The following LMO7 variants were observed in gnomAD, a reference collection of about 807,000 sequenced individuals.
LMO7 encodes the protein LIM domain 7.
In LMO7, 120 loss-of-function variants were observed where a neutral mutation model predicts 206.5. The ratio of observed to expected loss-of-function variants is 0.58; its 90% CI spans 0.50 to 0.68. The LOEUF (loss-of-function observed/expected upper bound fraction) is 0.68, where lower values mean the gene tolerates loss of function less well. LMO7 is among the 30% of genes least tolerant of loss of function. LMO7 has a pLI of 0.00. For synonymous variants in LMO7, 706 were observed against 681.5 expected (o/e 1.04, Z -0.56); for missense variants, 1,959 against 1,957.9 (o/e 1.00, Z -0.01).
chr13:75,621,993 T>A, intron 1 of LMO7: 1 of 522,414 alleles, frequency 1.9e-6, no homozygotes, highest in Non-Finnish European at 3.2e-6. Flanking sequence ...AGGCAAGAAG[T>A]AAATACTGCA....
At chr13:75,844,333 T>C (rs1457443124) in intron 25 of LMO7, among the ~76,000 whole-genome samples, 2 of 151,184 alleles carry the variant, frequency 1.3e-5, no homozygotes, top group African/African-American at 2.4e-5. Context: ...TACATATATG[T>C]ACATAAGTAT....
At chr13:75,639,914 A>T (rs901513820) in intron 1 of LMO7, among the ~76,000 whole-genome samples, 4 of 152,088 alleles carry the variant, frequency 2.6e-5, no homozygotes, top group African/African-American at 9.7e-5. Flanking sequence ...CCTGTAAGGG[A>T]TGCCAACCTG....
intron 15 of LMO7, among the ~76,000 whole-genome samples, chr13:75,827,436 A>G (rs181319339): frequency 6.6e-6 from 1 of 152,350 alleles, no homozygotes; most frequent in Non-Finnish European, 1.5e-5. Flanking sequence ...AATGAAGGGA[A>G]GAACTTAATA....
intron 6 of LMO7, among the ~76,000 whole-genome samples, chr13:75,799,872 T>C (rs911733065): frequency 6.6e-6 from 1 of 152,238 alleles, no homozygotes; most frequent in Non-Finnish European, 1.5e-5. Flanking sequence ...GTCACTAACA[T>C]TCACAGAAGA....
chr13:75,831,260 A>C (rs1430030275), intron 15 of LMO7, among the ~76,000 whole-genome samples: 1 of 152,180 alleles, frequency 6.6e-6, no homozygotes, highest in African/African-American at 2.4e-5. Context: ...TGAGATATAA[A>C]CAATTATTTT....
intron 2 of LMO7, 117 bp from the exon 3 acceptor site, chr13:75,726,912 G>T: frequency 1.5e-6 from 1 of 668,540 alleles, no homozygotes; most frequent in South Asian, 1.7e-5. Flanking sequence ...TGGGCTGTTG[G>T]CTCTCTGTAT....
intron 3 of LMO7, among the ~76,000 whole-genome samples, chr13:75,755,632 A>G (rs747518199): frequency 2.0e-5 from 3 of 152,186 alleles, no homozygotes; most frequent in Non-Finnish European, 4.4e-5. Context: ...TGCAAACCTA[A>G]CTTACTACTA....
chr13:75,834,356 A>C lies in LMO7; in HGVS notation c.3195A>C (p.Leu1065=), dbSNP rs748859009. 6.2e-7 allele frequency: 1 copy of C among 1,607,752 alleles called. No individual in the cohort carries two copies. The highest frequency in any genetic ancestry group is 1.7e-5 in the Admixed American group (1 of 59,090). ...CTAAGGCTCAAGAAACTGGACACCT[A>C]GTGATGGATGTGAGGCGCTATGGAA... The part of the protein sequence containing the change: ...AMAKAQETGH[L]VMDVRRYGKA... Residue 1065 remains leucine, a synonymous_variant, in exon 17 of 31, where the codon CTA becomes CTC. Transcript: ENST00000377534.
intron 6 of LMO7, 25 bp from the exon 7 acceptor site, chr13:75,800,659 A>G (rs34295825): frequency 0.045 from 72,318 of 1,602,716 alleles, 1,807 homozygotes; most frequent in Non-Finnish European, 0.049. Flanking sequence ...TTAACTTACT[A>G]TTCTTTAAAA....
intron 1 of LMO7, among the ~76,000 whole-genome samples, chr13:75,681,375 A>G (rs2040470451): frequency 6.6e-6 from 1 of 152,148 alleles, no homozygotes; most frequent in Non-Finnish European, 1.5e-5. Context: ...AACTTCTGGT[A>G]ATATCAGTTC....
At chr13:75,636,771 T>G in intron 1 of LMO7, 45 bp downstream of exon 1, 1 of 1,552,926 alleles carries the variant, frequency 6.4e-7, no homozygotes, top group African/African-American at 1.4e-5. Context: ...GTTGACTGCC[T>G]CGGGGCGGTC....
chr13:75,771,608 TAATC>T (rs1350711397), intron 4 of LMO7, among the ~76,000 whole-genome samples: 1 of 152,164 alleles, frequency 6.6e-6, no homozygotes, highest in Non-Finnish European at 1.5e-5. Flanking sequence ...TTATTTATAA[TAATC>T]TCTTGTTTAC....
intron 1 of LMO7, among the ~76,000 whole-genome samples, chr13:75,686,276 G>A (rs1947447109): frequency 6.6e-6 from 1 of 152,172 alleles, no homozygotes; most frequent in Non-Finnish European, 1.5e-5. Flanking sequence ...GAAGGTGAAA[G>A]GCATGTTTAC....
chr13:75,790,423 G>A (rs2053105145), intron 4 of LMO7, among the ~76,000 whole-genome samples: 1 of 152,146 alleles, frequency 6.6e-6, no homozygotes. Flanking sequence ...CACAGCTAGT[G>A]AAAGTGGAGC....
intron 4 of LMO7, 71 bp from the exon 5 acceptor site, chr13:75,795,330 T>G (rs1454220239): frequency 1.0e-5 from 11 of 1,065,222 alleles, no homozygotes; most frequent in Non-Finnish European, 9.7e-6. Context: ...TAAAAATGAG[T>G]TTTTTTCTAG....
intron 4 of LMO7, among the ~76,000 whole-genome samples, chr13:75,777,927 A>G (rs908974281): frequency 6.6e-6 from 1 of 151,892 alleles, no homozygotes; most frequent in Non-Finnish European, 1.5e-5. Flanking sequence ...TTACAGGCGT[A>G]AGCCACCGTG....
At chr13:75,675,170 G>A (rs2039904449) in intron 1 of LMO7, among the ~76,000 whole-genome samples, 1 of 150,750 alleles carries the variant, frequency 6.6e-6, no homozygotes. Flanking sequence ...TCTGCCTCCC[G>A]GCTTCAAGCA....
intron 4 of LMO7, among the ~76,000 whole-genome samples, chr13:75,793,159 A>G (rs967919433): frequency 6.6e-6 from 1 of 152,058 alleles, no homozygotes; most frequent in East Asian, 1.9e-4. Flanking sequence ...TGACATGTGT[A>G]TGTTGGTTAT....
At chr13:75,719,344 A>G (rs567821751) in intron 2 of LMO7, among the ~76,000 whole-genome samples, 4 of 152,158 alleles carry the variant, frequency 2.6e-5, no homozygotes, top group Non-Finnish European at 4.4e-5. Flanking sequence ...TTGTTTATTC[A>G]TTCATCAAAT....
Sources: allele counts gnomAD v4.1 joint callset (sites outside exome capture counted in the v4.1 genomes callset), GRCh38; gene constraint gnomAD v4.1.1; transcripts MANE v1.5; gene names NCBI Gene and HGNC (gene_info 2026-07-23, HGNC 2026-07-21).